Variants in SATB1 observed in about 807,000 individuals in gnomAD.
SATB1 encodes SATB homeobox 1.
Under a neutral mutation model 86.9 loss-of-function variants are expected in SATB1, and 11 were observed. That is an observed-to-expected ratio of 0.13 (90% CI 0.08 to 0.21). The LOEUF is 0.21. Among genes scored for constraint, SATB1 ranks in the 10% least tolerant of loss-of-function variants. The pLI is 1.00. For missense variants in SATB1, 551 were observed against 937.6 expected (o/e 0.59, Z 5.39); for synonymous variants, 357 against 357.2 (o/e 1.00, Z 0.01).
At chr3:18,377,189 G>T (rs1695804129) in intron 9 of SATB1, among the ~76,000 whole-genome samples, 1 of 152,152 alleles carries the variant, frequency 6.6e-6, no homozygotes, top group Non-Finnish European at 1.5e-5. Context: ...CCACAATTGT[G>T]TATTTCATCA....
In SATB1 at chr3:18,394,117, T is replaced by TA. The variant is rs749091719; in HGVS notation, c.1206+344dup. Among the ~76,000 whole-genome samples the TA allele has an allele frequency of 5.9e-5, 9 of 152,342 alleles. No individual in the cohort carries two copies. The highest frequency in any genetic ancestry group is 1.3e-4 in the Non-Finnish European group (9 of 68,016). On this transcript the variant is annotated intron_variant, in intron 7 of 10. Transcript: ENST00000338745. This position sits in a 1 kb window ranked among gnomAD's most constrained non-coding sequence, Gnocchi z 5.9. ...GGCTAGAAGCCTGGAATCCTGCCAATAGCCTTGACTGAGTCATGAAACTTT... is the reference window on the plus strand; with the variant it reads ...GGCTAGAAGCCTGGAATCCTGCCAATAAGCCTTGACTGAGTCATGAAACTTT...
intron 5 of SATB1, among the ~76,000 whole-genome samples, chr3:18,408,217 A>T (rs1697645807): frequency 6.6e-6 from 1 of 152,016 alleles, no homozygotes; most frequent in South Asian, 2.1e-4. Flanking sequence ...TCAGAGTAAG[A>T]ATGAGAGAAA....
At chr3:18,401,624 A>G (rs1697272125) in intron 5 of SATB1, among the ~76,000 whole-genome samples, 1 of 152,118 alleles carries the variant, frequency 6.6e-6, no homozygotes, top group African/African-American at 2.4e-5. Flanking sequence ...CGGTTGAAAT[A>G]CCAAGTTCAA....
At chr3:18,433,099 TTC>T (rs1559466485) in intron 2 of SATB1, among the ~76,000 whole-genome samples, 1 of 152,190 alleles carries the variant, frequency 6.6e-6, no homozygotes, top group Non-Finnish European at 1.5e-5. Flanking sequence ...AAGAAAATGG[TTC>T]TCTTTTAAGG....
rs1559422067 is a variant in SATB1, at chr3:18,386,434, G to T, written c.1384C>A (p.Pro462Thr). The T allele has an allele frequency of 6.2e-7, 1 of 1,613,948 alleles. No homozygotes were observed. Among genetic ancestry groups the T allele is most frequent in the East Asian group, 2.2e-5 (1 of 44,872 alleles). The change falls in exon 8 of 11, where the codon CCC (proline) becomes ACC (threonine). Residue 462 changes from proline to threonine, a missense_variant. Transcript: ENST00000338745. This position sits in a 1 kb window ranked among gnomAD's most constrained non-coding sequence, Gnocchi z 4.5. ...LNAASAMGPA[P>T]LISTPPSRPP... ...CGGCTGGGTGGTGTGCTGATGAGGGGGGCAGGACCCATGGCCGAGGCAGCA... is the reference window on the plus strand; with the variant it reads ...CGGCTGGGTGGTGTGCTGATGAGGGTGGCAGGACCCATGGCCGAGGCAGCA...
intron 9 of SATB1, among the ~76,000 whole-genome samples, chr3:18,366,521 C>CA (rs1361619339): frequency 6.6e-6 from 1 of 151,732 alleles, no homozygotes; most frequent in Non-Finnish European, 1.5e-5. Flanking sequence ...GAAAAGCAAA[C>CA]AAAAAAGAGA....
At chr3:18,422,880 G>T (rs575856679) in intron 1 of SATB1, among the ~76,000 whole-genome samples, 1 of 152,274 alleles carries the variant, frequency 6.6e-6, no homozygotes, top group Non-Finnish European at 1.5e-5. Flanking sequence ...TACAGCAAAT[G>T]AAAGTGATAC....
intron 7 of SATB1, among the ~76,000 whole-genome samples, chr3:18,388,706 T>C (rs1696474166): frequency 6.6e-6 from 1 of 152,148 alleles, no homozygotes; most frequent in Non-Finnish European, 1.5e-5. Context: ...GGGCCTACAG[T>C]GAAAAGTTCT....
chr3:18,393,263 A>G (rs981835861), intron 7 of SATB1, among the ~76,000 whole-genome samples: 2 of 152,222 alleles, frequency 1.3e-5, no homozygotes, highest in African/African-American at 4.8e-5. Context: ...GTGGTAAAAC[A>G]AAAGAGCTGA....
intron 5 of SATB1, among the ~76,000 whole-genome samples, chr3:18,413,174 C>T (rs1697946407): frequency 6.6e-6 from 1 of 152,010 alleles, no homozygotes; most frequent in Non-Finnish European, 1.5e-5. Context: ...TCCTGAATTA[C>T]ATTTTGTCAT....
chr3:18,441,447 C>T (rs1345719523), upstream of SATB1, among the ~76,000 whole-genome samples: 1 of 152,132 alleles, frequency 6.6e-6, no homozygotes, highest in Admixed American at 6.5e-5. Context: ...CATTCAACTA[C>T]ATCATGTCTA....
intron 9 of SATB1, among the ~76,000 whole-genome samples, chr3:18,366,182 A>T (rs1313164075): frequency 2.0e-5 from 3 of 152,158 alleles, no homozygotes; most frequent in Non-Finnish European, 4.4e-5. Context: ...GGGGATGGAC[A>T]CATCTCAGCA....
chr3:18,384,239 C>A (rs1265187565), intron 8 of SATB1, among the ~76,000 whole-genome samples: 1 of 152,054 alleles, frequency 6.6e-6, no homozygotes, highest in Non-Finnish European at 1.5e-5. Context: ...GCAGATAAAG[C>A]CTTTAAGCAT....
chr3:18,393,602 C>T (rs1696805085), intron 7 of SATB1, among the ~76,000 whole-genome samples: 1 of 152,120 alleles, frequency 6.6e-6, no homozygotes, highest in South Asian at 2.1e-4. Context: ...AAGGTGTGCA[C>T]ATTAGGGGTA....
At chr3:18,419,722 C>G (rs564808039) in intron 2 of SATB1, among the ~76,000 whole-genome samples, 2 of 152,286 alleles carry the variant, frequency 1.3e-5, no homozygotes, top group South Asian at 4.2e-4. Flanking sequence ...GGCAAACAAT[C>G]AATAAATAGG....
intron 8 of SATB1, among the ~76,000 whole-genome samples, chr3:18,382,648 T>C (rs1696124081): frequency 6.6e-6 from 1 of 152,162 alleles, no homozygotes; most frequent in Non-Finnish European, 1.5e-5. Flanking sequence ...AGACCAAAGT[T>C]TAAAAGGGGC....
At chr3:18,354,108 A>G (rs1036066361) in intron 9 of SATB1, among the ~76,000 whole-genome samples, 1 of 152,212 alleles carries the variant, frequency 6.6e-6, no homozygotes, top group African/African-American at 2.4e-5. Flanking sequence ...TTATGTGAAT[A>G]TATTAACTAT....
intron 4 of SATB1, among the ~76,000 whole-genome samples, chr3:18,415,646 T>C (rs1698071239): frequency 6.6e-6 from 1 of 152,114 alleles, no homozygotes; most frequent in South Asian, 2.1e-4. Context: ...AGACAGTCTT[T>C]CACAAAATGT....
Position 18,347,915 on chromosome 3 carries a change from C to G in SATB1, c.*1255G>C, listed in dbSNP as rs1030616333. On this transcript the variant is annotated 3_prime_UTR_variant, in exon 11 of 11. Transcript: ENST00000338745. ...TCCTTTGACTCCTTTAGTTACTTCA[C>G]ATAAGCAGACAAACCCTACCATGTC... is the stretch of plus-strand genomic sequence containing the variant. 1 of 152,440 alleles carries G rather than the reference C, an allele frequency of 6.6e-6. No homozygotes were observed. The highest frequency in any genetic ancestry group is 1.5e-5 in the Non-Finnish European group (1 of 67,996). The allele number at this position is 152,440 out of a possible 1,614,324, so 9.4% of individuals were successfully genotyped here.
Sources: allele counts gnomAD v4.1 joint callset (sites outside exome capture counted in the v4.1 genomes callset), GRCh38; gene constraint gnomAD v4.1.1; non-coding constraint Gnocchi (gnomAD v3.1); transcripts MANE v1.5; gene names NCBI Gene and HGNC (gene_info 2026-07-23, HGNC 2026-07-21).